PCDHGB1: variants seen among roughly 807,000 people sequenced by gnomAD.
PCDHGB1 encodes protocadherin gamma-B1.
In PCDHGB1, 34 loss-of-function variants were observed where a neutral mutation model predicts 56.6. The ratio of observed to expected loss-of-function variants is 0.60; its 90% CI spans 0.46 to 0.80. The LOEUF (loss-of-function observed/expected upper bound fraction) is 0.80. PCDHGB1 is among the 30% of genes least tolerant of loss of function. The probability of loss-of-function intolerance (pLI) is 0.00; values close to 1 mark genes in which losing one functional copy is unlikely to be tolerated. For synonymous variants in PCDHGB1, 561 were observed against 505.9 expected (o/e 1.11, Z -1.46); for missense variants, 1,278 against 1,204.6 (o/e 1.06, Z -0.90).
chr5:141,466,486 T>C (rs1005010773), intron 1 of PCDHGB1, among the ~76,000 whole-genome samples: 1 of 152,240 alleles, frequency 6.6e-6, no homozygotes, highest in Non-Finnish European at 1.5e-5. Flanking sequence ...GTAGGTCTTC[T>C]TTAATTAGAG....
At position 141,404,691 on chromosome 5, in the gene PCDHGB1, G is replaced by T. The variant is rs200601931; in HGVS notation, c.2409+52022G>T. ...TCTACTGGTGTGGAGCTGGCACCCC[G>T]CTCTGCAGAGCCTGGCTACCTGGTG... On this transcript the variant is annotated intron_variant, in intron 1 of 3. Transcript: ENST00000523390. 28 of 1,613,996 alleles carry T rather than the reference G, an allele frequency of 1.7e-5. No individual in the cohort carries two copies. The highest frequency in any genetic ancestry group is 1.6e-4 in the Middle Eastern group (1 of 6,062).
chr5:141,421,383 C>A lies in PCDHGB1; in HGVS notation c.2409+68714C>A, dbSNP rs754951142. The A allele has an allele frequency of 2.5e-6, 4 of 1,614,034 alleles. 1 individual carries two copies. The highest frequency in any genetic ancestry group is 8.5e-7 in the Non-Finnish European group (1 of 1,179,910). On this transcript the variant is annotated intron_variant, in intron 1 of 3. Transcript: ENST00000523390. ...CCTTCGTGGGCAATATCTCCAAGGA[C>A]CTGGGGCTGGAGCCCCGGGAGCTGG...
At chr5:141,443,760 T>C (rs894568340) in intron 1 of PCDHGB1, among the ~76,000 whole-genome samples, 20 of 152,040 alleles carry the variant, frequency 1.3e-4, no homozygotes, top group African/African-American at 4.6e-4. Context: ...AAGCTTACAA[T>C]ATACAATATT....
At chr5:141,405,104 C>A in intron 1 of PCDHGB1, 3 of 1,613,940 alleles carry the variant, frequency 1.9e-6, no homozygotes, top group Non-Finnish European at 2.5e-6. Flanking sequence ...CAGGCTGAGG[C>A]ACTGGCACTC....
At position 141,408,935 on chromosome 5, in the gene PCDHGB1, G is replaced by A. The variant is rs773802276; in HGVS notation, c.2409+56266G>A. 6.8e-6 allele frequency: 11 copies of A among 1,613,590 alleles called. No homozygotes were observed. Among genetic ancestry groups the A allele is most frequent in the Non-Finnish European group, 9.3e-6 (11 of 1,179,752 alleles). ...TGATAACCCCCCGGTTTTCAGCAGAGACGAATATAGAATTAGTCTTAGTGA... is the reference window on the plus strand; with the variant it reads ...TGATAACCCCCCGGTTTTCAGCAGAAACGAATATAGAATTAGTCTTAGTGA... On this transcript the variant is annotated intron_variant, in intron 1 of 3. Coordinates refer to ENST00000523390, the MANE Select transcript of PCDHGB1 (RefSeq NM_018922.3).
intron 1 of PCDHGB1, chr5:141,422,019 G>C: frequency 6.2e-7 from 1 of 1,610,862 alleles, no homozygotes; most frequent in Non-Finnish European, 8.5e-7. Context: ...GGGTGCTGAT[G>C]GTTAATGCAA....
At position 141,393,057 on chromosome 5, in the gene PCDHGB1, G is replaced by C. The variant is rs1273747847; in HGVS notation, c.2409+40388G>C. 9 of 1,613,514 alleles carry C rather than the reference G, an allele frequency of 5.6e-6. No homozygotes were observed. The highest frequency in any genetic ancestry group is 2.2e-5 in the South Asian group (2 of 91,064). ...GCTCTTTGCTCTGAACCCGCGCAGC[G>C]GCAGCTTGATCACCGCGGGCAGGAT... On this transcript the variant is annotated intron_variant, in intron 1 of 3. Coordinates refer to ENST00000523390, the MANE Select transcript of PCDHGB1 (RefSeq NM_018922.3).
chr5:141,428,561 A>G (rs879118525), intron 1 of PCDHGB1: 16 of 238,202 alleles, frequency 6.7e-5, no homozygotes, highest in South Asian at 5.9e-4. Context: ...GTCCCCCCAC[A>G]AGATCTTTCT....
At position 141,477,811 on chromosome 5, in the gene PCDHGB1, C is replaced by A. The variant is rs1211574518; in HGVS notation, c.2410-16996C>A. 1 of 1,614,046 alleles carries A rather than the reference C, an allele frequency of 6.2e-7. No individual in the cohort carries two copies. Among genetic ancestry groups the A allele is most frequent in the Non-Finnish European group, 8.5e-7 (1 of 1,180,034 alleles). On this transcript the variant is annotated intron_variant, in intron 1 of 3. Transcript: ENST00000523390. This position sits in a 1 kb window ranked among gnomAD's most constrained non-coding sequence, Gnocchi z 4.9. ...TCACTGATCGCAATGACAATGCCCC[C>A]CAGGTCCTATATCCTCGGCCAGGTG...
chr5:141,374,568 T>C (rs778991888), intron 1 of PCDHGB1: 1 of 1,613,706 alleles, frequency 6.2e-7, no homozygotes, highest in South Asian at 1.1e-5. Flanking sequence ...GACCCTGATG[T>C]GGGAATGAAC....
chr5:141,466,885 G>A (rs997982577), intron 1 of PCDHGB1, among the ~76,000 whole-genome samples: 3 of 151,938 alleles, frequency 2.0e-5, no homozygotes, highest in Non-Finnish European at 4.4e-5. Context: ...TTCATAATAT[G>A]CATTTTCCAT....
Position 141,383,518 on chromosome 5 carries a change from G to A in PCDHGB1, c.2409+30849G>A, listed in dbSNP as rs1286743255. The A allele has an allele frequency of 2.5e-6, 4 of 1,612,554 alleles. 1 individual carries two copies. The highest frequency in any genetic ancestry group is 2.2e-5 in the South Asian group (2 of 90,928). On this transcript the variant is annotated intron_variant, in intron 1 of 3. Coordinates refer to ENST00000523390, the MANE Select transcript of PCDHGB1 (RefSeq NM_018922.3). The stretch of plus-strand genomic sequence containing the variant: ...GGTGCTGGACCGGGAGGAAGAGCGG[G>A]TTCACCACCTGGTCCTCACAGCCTC...
chr5:141,364,631 C>G lies in PCDHGB1; in HGVS notation c.2409+11962C>G, dbSNP rs1185319581. ...GGAGGAGCTCTGCGCTCAGAGCCCA[C>G]TGTGTGTGGTGAACTTTAACATCTT... On this transcript the variant is annotated intron_variant, in intron 1 of 3. Coordinates refer to ENST00000523390, the MANE Select transcript of PCDHGB1 (RefSeq NM_018922.3). 1.2e-6 allele frequency: 2 copies of G among 1,614,122 alleles called. No individual in the cohort carries two copies. Among genetic ancestry groups the G allele is most frequent in the East Asian group, 2.2e-5 (1 of 44,886 alleles).
intron 1 of PCDHGB1, among the ~76,000 whole-genome samples, chr5:141,402,769 C>T (rs1404796973): frequency 6.6e-6 from 1 of 152,196 alleles, no homozygotes; most frequent in Non-Finnish European, 1.5e-5. Context: ...GGACTCCATC[C>T]GGATTTCCAG....
Position 141,485,094 on chromosome 5 carries a change from C to A in PCDHGB1, c.2410-9713C>A. ...GGCGCGGGGAAAGGGAGATAGGTGT[C>A]TCCAGCTGCTGTGGCTGTTTGGGGC... On this transcript the variant is annotated intron_variant, in intron 1 of 3. Coordinates refer to ENST00000523390, the MANE Select transcript of PCDHGB1 (RefSeq NM_018922.3). The surrounding 1 kb of genome is among the most constrained non-coding windows in gnomAD (Gnocchi z 5.7). 9.1e-7 allele frequency: 1 copy of A among 1,100,766 alleles called. No individual in the cohort carries two copies. Among genetic ancestry groups the A allele is most frequent in the Non-Finnish European group, 1.4e-6 (1 of 736,922 alleles). The allele number at this position is 1,100,766 out of a possible 1,614,324, so 68.2% of individuals were successfully genotyped here. A position where few individuals can be genotyped will look rare whatever the true frequency, so the allele number is the denominator to read the frequency against.
chr5:141,362,584 T>A (rs781004756), intron 1 of PCDHGB1: 17 of 1,598,970 alleles, frequency 1.1e-5, no homozygotes, highest in Non-Finnish European at 1.4e-5. Context: ...TATTTTCACT[T>A]CTGGTTTTAT....
At position 141,477,924 on chromosome 5, in the gene PCDHGB1, A is replaced by G; in HGVS notation, c.2410-16883A>G. 1 of 1,614,140 alleles carries G rather than the reference A, an allele frequency of 6.2e-7. No homozygotes were observed. On this transcript the variant is annotated intron_variant, in intron 1 of 3. Transcript: ENST00000523390. The surrounding 1 kb of genome is among the most constrained non-coding windows in gnomAD (Gnocchi z 4.9). ...GGCTGGGACGCGGATGCAGGGCACA[A>G]TGCCTGGCTCTCCTACAGTCTCTTG...
chr5:141,383,826 T>C, intron 1 of PCDHGB1: 1 of 1,613,966 alleles, frequency 6.2e-7, no homozygotes, highest in Non-Finnish European at 8.5e-7. Flanking sequence ...GATTAGATTA[T>C]GAAGAAACTG....
In PCDHGB1 at chr5:141,429,386, T is replaced by A. The variant is rs534045300; in HGVS notation, c.2410-65421T>A. Among the ~76,000 whole-genome samples the A allele has an allele frequency of 4.0e-3, 602 of 151,936 alleles. 6 individuals carry two copies. The highest frequency in any genetic ancestry group is 0.011 in the Admixed American group (171 of 15,268). On this transcript the variant is annotated intron_variant, in intron 1 of 3. Coordinates refer to ENST00000523390, the MANE Select transcript of PCDHGB1 (RefSeq NM_018922.3). ...AAAATGGAGAAAATGTGTTTTTTTTTTAAAAAAAATTGAGATTAAGGTCTC... is the reference window on the plus strand; with the variant it reads ...AAAATGGAGAAAATGTGTTTTTTTTATAAAAAAAATTGAGATTAAGGTCTC...
Sources: gnomAD v4.1 joint callset for allele counts (sites outside exome capture counted in the v4.1 genomes callset) on GRCh38, gnomAD v4.1.1 for gene constraint, Gnocchi (gnomAD v3.1) non-coding constraint, MANE v1.5 for transcripts, NCBI Gene and HGNC (gene_info 2026-07-23, HGNC 2026-07-21) for gene names.